Variants in ATXN1 observed in about 807,000 individuals in gnomAD.
ATXN1 encodes the protein ataxin-1.
ATXN1 carries 8 observed loss-of-function variants against 56.4 expected under a neutral mutation model. That is an observed-to-expected ratio of 0.14 (90% CI 0.08 to 0.26). ATXN1 has a LOEUF of 0.26. ATXN1 is among the 10% of genes least tolerant of loss of function. The pLI, the probability that ATXN1 is intolerant of heterozygous loss-of-function variation, is 1.00. For synonymous variants in ATXN1, 514 were observed against 494.6 expected, an observed-to-expected ratio of 1.04 and a Z score of -0.52; for missense variants, 987 against 1,106.5, an observed-to-expected ratio of 0.89 and a Z score of 1.53.
chr6:16,709,224 G>A (rs778997949), intron 2 of ATXN1, among the ~76,000 whole-genome samples: 2 of 152,014 alleles, frequency 1.3e-5, no homozygotes, highest in Non-Finnish European at 2.9e-5. Flanking sequence ...ATTAAAAATG[G>A]AAAAGGGGAT....
chr6:16,729,078 A>G (rs1025255099), intron 2 of ATXN1, among the ~76,000 whole-genome samples: 1 of 152,228 alleles, frequency 6.6e-6, no homozygotes, highest in African/African-American at 2.4e-5. Context: ...TTCCTACAGA[A>G]TGATGACTGC....
chr6:16,380,831 T>C (rs1209629195), intron 6 of ATXN1, among the ~76,000 whole-genome samples: 1 of 152,222 alleles, frequency 6.6e-6, no homozygotes, highest in Non-Finnish European at 1.5e-5. Flanking sequence ...GGCATTGTTA[T>C]GGGCTGAATT....
chr6:16,382,764 G>A (rs1222298062), intron 6 of ATXN1, among the ~76,000 whole-genome samples: 1 of 151,946 alleles, frequency 6.6e-6, no homozygotes, highest in Non-Finnish European at 1.5e-5. Flanking sequence ...GGGCCACACT[G>A]GAAGGAGAAA....
At chr6:16,391,030 C>T (rs1321459052) in intron 6 of ATXN1, among the ~76,000 whole-genome samples, 1 of 151,814 alleles carries the variant, frequency 6.6e-6, no homozygotes. Context: ...GGCGTAGGAG[C>T]ACACGTCTGT....
At chr6:16,611,478 G>T (rs980223124) in intron 3 of ATXN1, among the ~76,000 whole-genome samples, 3 of 152,156 alleles carry the variant, frequency 2.0e-5, no homozygotes. Context: ...TTGAAGACAG[G>T]TATTAATTCG....
intron 6 of ATXN1, among the ~76,000 whole-genome samples, chr6:16,458,419 C>T (rs1348013754): frequency 2.6e-5 from 4 of 152,236 alleles, no homozygotes; most frequent in Non-Finnish European, 5.9e-5. Context: ...TGTCACCCAA[C>T]TCCCTCGAGG....
chr6:16,417,321 C>A (rs1408623321), intron 6 of ATXN1, among the ~76,000 whole-genome samples: 5 of 152,232 alleles, frequency 3.3e-5, no homozygotes, highest in African/African-American at 4.8e-5. Context: ...AGGCGCAAGC[C>A]ACCACACCAA....
intron 6 of ATXN1, among the ~76,000 whole-genome samples, chr6:16,459,481 G>C (rs1270849075): frequency 6.6e-6 from 1 of 152,206 alleles, no homozygotes; most frequent in Non-Finnish European, 1.5e-5. Flanking sequence ...TGAATCGTCA[G>C]TGGAGACTAG....
At chr6:16,626,344 G>T (rs763854086) in intron 3 of ATXN1, among the ~76,000 whole-genome samples, 1 of 152,086 alleles carries the variant, frequency 6.6e-6, no homozygotes, top group Non-Finnish European at 1.5e-5. Flanking sequence ...GGAGTGCAGT[G>T]GTGCATGTGA....
chr6:16,657,065 G>A (rs1758219052), intron 3 of ATXN1, among the ~76,000 whole-genome samples: 1 of 142,134 alleles, frequency 7.0e-6, no homozygotes, highest in Non-Finnish European at 1.5e-5. Flanking sequence ...CTCACTGCAA[G>A]CTCTGCCTCC....
At chr6:16,510,779 A>G (rs1561732677) in intron 5 of ATXN1, among the ~76,000 whole-genome samples, 1 of 152,202 alleles carries the variant, frequency 6.6e-6, no homozygotes, top group Non-Finnish European at 1.5e-5. Flanking sequence ...CAGTAAAGGT[A>G]TACAGAAAGC....
chr6:16,339,939 T>G (rs932549529), intron 6 of ATXN1, among the ~76,000 whole-genome samples: 14 of 152,318 alleles, frequency 9.2e-5, no homozygotes, highest in Admixed American at 3.3e-4. Context: ...CATGCCACCA[T>G]GCCCAGCTAA....
rs116692085 is a variant in ATXN1 at position 16,453,543 on chromosome 6, G to A, written c.-161+32429C>T. Among the ~76,000 whole-genome samples, 1,261 of 152,268 alleles carry A rather than the reference G, an allele frequency of 8.3e-3. 15 individuals are homozygous for A. The highest frequency in any genetic ancestry group is 0.029 in the African/African-American group (1,194 of 41,544). On this transcript the variant is annotated intron_variant, in intron 6 of 7. Transcript: ENST00000436367. ...GAGGATTACATCAGTGTAAGGTAATGAACTTTACTGAAATGTATGCAAAAA... is the reference window on the plus strand; with the variant it reads ...GAGGATTACATCAGTGTAAGGTAATAAACTTTACTGAAATGTATGCAAAAA...
At chr6:16,447,935 CACTT>C (rs10530931) in intron 6 of ATXN1, among the ~76,000 whole-genome samples, 9,761 of 152,218 alleles carry the variant, frequency 0.064, 408 homozygotes, top group Admixed American at 0.14. Flanking sequence ...AGTAGAATAA[CACTT>C]AATTCAGGGG....
chr6:16,474,081 CT>C (rs1760276152), intron 6 of ATXN1, among the ~76,000 whole-genome samples: 1 of 152,204 alleles, frequency 6.6e-6, no homozygotes, highest in Non-Finnish European at 1.5e-5. Flanking sequence ...CTGGCTTTTT[CT>C]TCATGAGACT....
chr6:16,446,850 G>T (rs1367124034), intron 6 of ATXN1, among the ~76,000 whole-genome samples: 2 of 152,196 alleles, frequency 1.3e-5, no homozygotes, highest in Non-Finnish European at 2.9e-5. Context: ...TAATAAACTA[G>T]AGGAAATAGC....
chr6:16,363,875 T>C (rs1761863468), intron 6 of ATXN1, among the ~76,000 whole-genome samples: 1 of 152,194 alleles, frequency 6.6e-6, no homozygotes, highest in Non-Finnish European at 1.5e-5. Flanking sequence ...CTGATAAATA[T>C]TGGGGCCATG....
At chr6:16,445,599 T>C (rs1759616903) in intron 6 of ATXN1, among the ~76,000 whole-genome samples, 1 of 151,926 alleles carries the variant, frequency 6.6e-6, no homozygotes, top group Admixed American at 6.6e-5. Flanking sequence ...TGTATACATG[T>C]GCCATGCTGG....
At chr6:16,686,982 C>T (rs1402322556) in intron 2 of ATXN1, among the ~76,000 whole-genome samples, 3 of 152,092 alleles carry the variant, frequency 2.0e-5, no homozygotes, top group Non-Finnish European at 4.4e-5. Flanking sequence ...CACTATAAGC[C>T]TTGGATGGAA....
Sources: allele counts gnomAD v4.1 joint callset (sites outside exome capture counted in the v4.1 genomes callset), GRCh38; gene constraint gnomAD v4.1.1; transcripts MANE v1.5; gene names NCBI Gene and HGNC (gene_info 2026-07-23, HGNC 2026-07-21).